Variants in ELAVL4 observed in about 807,000 individuals in gnomAD.
ELAVL4 encodes the protein ELAV-like protein 4.
ELAVL4 carries 1 observed loss-of-function variant against 35.6 expected under a neutral mutation model. The observed-to-expected ratio is 0.03, with a 90% CI of 0.01 to 0.13. The LOEUF (loss-of-function observed/expected upper bound fraction) is 0.13. Among genes scored for constraint, ELAVL4 ranks in the 10% least tolerant of loss-of-function variants. ELAVL4 has a pLI of 1.00. For synonymous variants in ELAVL4, 156 were observed against 171.0 expected, an observed-to-expected ratio of 0.91 and a Z score of 0.69; for missense variants, 267 against 464.9, an observed-to-expected ratio of 0.57 and a Z score of 3.91.
At chr1:50,117,270 A>G (rs1402672799) in intron 1 of ELAVL4, among the ~76,000 whole-genome samples, 1 of 152,152 alleles carries the variant, frequency 6.6e-6, no homozygotes, top group Non-Finnish European at 1.5e-5. Flanking sequence ...GGCTAAAAAC[A>G]TATTATATTG....
intron 1 of ELAVL4, among the ~76,000 whole-genome samples, chr1:50,114,229 T>C (rs1219989257): frequency 6.6e-6 from 1 of 151,978 alleles, no homozygotes; most frequent in Non-Finnish European, 1.5e-5. Flanking sequence ...TATGGATATG[T>C]GTATATGTAT....
At chr1:50,065,804 C>A (rs1664230666) in intron 1 of ELAVL4, among the ~76,000 whole-genome samples, 1 of 152,092 alleles carries the variant, frequency 6.6e-6, no homozygotes, top group Non-Finnish European at 1.5e-5. Flanking sequence ...TGATCATGAC[C>A]AGGTTCTTTC....
chr1:50,129,387 C>T (rs910466281), intron 1 of ELAVL4, among the ~76,000 whole-genome samples: 1 of 152,126 alleles, frequency 6.6e-6, no homozygotes, highest in Non-Finnish European at 1.5e-5. Flanking sequence ...TGTCAGTATG[C>T]AGAGTGCACT....
At chr1:50,182,082 C>T (rs572116221) in intron 3 of ELAVL4, among the ~76,000 whole-genome samples, 2 of 152,370 alleles carry the variant, frequency 1.3e-5, no homozygotes, top group African/African-American at 2.4e-5. Context: ...TGACCCCACA[C>T]CTGATGCCTG....
intron 2 of ELAVL4, among the ~76,000 whole-genome samples, chr1:50,145,575 C>T (rs1673562763): frequency 1.3e-5 from 2 of 152,098 alleles, no homozygotes; most frequent in Admixed American, 1.3e-4. Context: ...TTCATGTGTG[C>T]CCAGTGTTCT....
intron 2 of ELAVL4, among the ~76,000 whole-genome samples, chr1:50,175,013 G>A (rs1414812633): frequency 6.6e-6 from 1 of 152,120 alleles, no homozygotes; most frequent in Non-Finnish European, 1.5e-5. Flanking sequence ...GGGCTGGATA[G>A]ATTGACCATC....
intron 1 of ELAVL4, chr1:50,144,406 A>C (rs1673329883): frequency 3.1e-6 from 1 of 324,046 alleles, no homozygotes; most frequent in Non-Finnish European, 6.0e-6. Context: ...GCTCCCTAGA[A>C]TGTACCTGTA....
At chr1:50,075,832 C>G (rs199686083) in intron 1 of ELAVL4, among the ~76,000 whole-genome samples, 7 of 151,708 alleles carry the variant, frequency 4.6e-5, no homozygotes, top group African/African-American at 1.7e-4. Flanking sequence ...GAGAGAGAGA[C>G]AGAGAGACAG....
At chr1:50,079,155 G>A (rs1156938287) in intron 1 of ELAVL4, among the ~76,000 whole-genome samples, 1 of 152,050 alleles carries the variant, frequency 6.6e-6, no homozygotes, top group Non-Finnish European at 1.5e-5. Context: ...TCGAACTCCT[G>A]GGCCCAAGAG....
At chr1:50,065,156 A>G (rs1416355283) in intron 1 of ELAVL4, among the ~76,000 whole-genome samples, 1 of 152,178 alleles carries the variant, frequency 6.6e-6, no homozygotes, top group African/African-American at 2.4e-5. Context: ...TCTCACCTCT[A>G]TAAAACAAAG....
chr1:50,105,529 A>G (rs1388926072), upstream of ELAVL4, among the ~76,000 whole-genome samples: 9 of 152,160 alleles, frequency 5.9e-5, no homozygotes, highest in African/African-American at 1.9e-4. Flanking sequence ...AGTGTTTCTC[A>G]TGTCACATTT....
intron 2 of ELAVL4, among the ~76,000 whole-genome samples, chr1:50,165,305 C>T (rs980806241): frequency 1.3e-5 from 2 of 151,954 alleles, no homozygotes; most frequent in Non-Finnish European, 2.9e-5. Context: ...TGACTGGCTA[C>T]CACCCTTCAA....
chr1:50,113,019 G>A (rs1667333947), intron 1 of ELAVL4, among the ~76,000 whole-genome samples: 1 of 152,050 alleles, frequency 6.6e-6, no homozygotes, highest in Non-Finnish European at 1.5e-5. Context: ...TTGGATTTGG[G>A]ACACTTTGGA....
At chr1:50,131,426 C>T (rs1221492641) in intron 1 of ELAVL4, among the ~76,000 whole-genome samples, 8 of 152,024 alleles carry the variant, frequency 5.3e-5, no homozygotes, top group Non-Finnish European at 1.0e-4. Flanking sequence ...TATTTATTCT[C>T]TTATAATCTA....
intron 3 of ELAVL4, among the ~76,000 whole-genome samples, chr1:50,190,882 C>T (rs1682559841): frequency 6.6e-6 from 1 of 152,148 alleles, no homozygotes; most frequent in African/African-American, 2.4e-5. Flanking sequence ...CTCATTTGTC[C>T]TCGTGACAGA....
chr1:50,079,532 T>A (rs1664917133), intron 1 of ELAVL4, among the ~76,000 whole-genome samples: 1 of 152,154 alleles, frequency 6.6e-6, no homozygotes, highest in Non-Finnish European at 1.5e-5. Flanking sequence ...TGTGGACACC[T>A]CAAGAAGGGG....
intron 2 of ELAVL4, among the ~76,000 whole-genome samples, chr1:50,165,782 A>ATG (rs1557817265): frequency 3.1e-5 from 1 of 32,526 alleles, no homozygotes; most frequent in African/African-American, 7.7e-5. Flanking sequence ...GTGTGTATAT[A>ATG]TGTGTATATA....
chr1:50,058,949 A>G (rs1008035430), intron 1 of ELAVL4, among the ~76,000 whole-genome samples: 1 of 152,112 alleles, frequency 6.6e-6, no homozygotes, highest in Non-Finnish European at 1.5e-5. Context: ...TTTATTCACT[A>G]TTCTGGTTAA....
intron 2 of ELAVL4, among the ~76,000 whole-genome samples, chr1:50,168,939 G>A (rs1046575094): frequency 2.7e-5 from 4 of 145,506 alleles, no homozygotes; most frequent in Non-Finnish European, 6.0e-5. Flanking sequence ...GAACTGATAG[G>A]AGATATGTAT....
Sources: allele counts gnomAD v4.1 joint callset (sites outside exome capture counted in the v4.1 genomes callset), GRCh38; gene constraint gnomAD v4.1.1; transcripts MANE v1.5; gene names NCBI Gene and HGNC (gene_info 2026-07-23, HGNC 2026-07-21).